Variants in PRKN observed in about 807,000 individuals in gnomAD.
PRKN encodes the protein E3 ubiquitin-protein ligase parkin.
PRKN carries 56 observed loss-of-function variants against 59.5 expected under a neutral mutation model. The ratio of observed to expected loss-of-function variants is 0.94; its 90% confidence interval spans 0.76 to 1.18. The LOEUF (loss-of-function observed/expected upper bound fraction) is 1.18. Among genes scored for constraint, PRKN ranks in the 50% most tolerant of loss-of-function variants. The pLI, the probability that PRKN is intolerant of heterozygous loss-of-function variation, is 0.00. For synonymous variants in PRKN, 250 were observed against 222.1 expected (o/e 1.13, Z -1.12); for missense variants, 657 against 596.4 (o/e 1.10, Z -1.06).
rs1472248035 is a variant in PRKN at position 161,417,758 on chromosome 6, C to T, written c.1084-30881G>A. 6.6e-6 allele frequency among the ~76,000 whole-genome samples: 1 copy of T among 152,194 alleles called. No individual in the cohort carries two copies. Among genetic ancestry groups the T allele is most frequent in the Non-Finnish European group, 1.5e-5 (1 of 68,030 alleles). ...TCCCTCCGGCCCCCCTGGGTTTTAACCTCTAGACCTAGAGAACCAAATTAG... is the reference window on the plus strand; with the variant it reads ...TCCCTCCGGCCCCCCTGGGTTTTAATCTCTAGACCTAGAGAACCAAATTAG... On this transcript the variant is annotated intron_variant, in intron 9 of 11. Coordinates refer to ENST00000366898, the MANE Select transcript of PRKN (RefSeq NM_004562.3). This position sits in a 1 kb window ranked among gnomAD's most constrained non-coding sequence, Gnocchi z 5.4.
At chr6:161,408,032 T>C (rs1442831139) in intron 9 of PRKN, among the ~76,000 whole-genome samples, 4 of 152,200 alleles carry the variant, frequency 2.6e-5, no homozygotes, top group Admixed American at 2.0e-4. Flanking sequence ...AACAGCTTTA[T>C]TGCTCACACA....
intron 7 of PRKN, among the ~76,000 whole-genome samples, chr6:161,714,066 G>T (rs6907603): frequency 1.3e-5 from 2 of 152,242 alleles, no homozygotes; most frequent in South Asian, 4.1e-4. Flanking sequence ...TCCAGCCTCA[G>T]GTATGTCTTT....
chr6:162,695,925 T>G (rs1029631527), intron 1 of PRKN, among the ~76,000 whole-genome samples: 2 of 152,202 alleles, frequency 1.3e-5, no homozygotes, highest in African/African-American at 4.8e-5. Flanking sequence ...TATTAACTAC[T>G]GATCTTGGGG....
rs138866253 is a variant in PRKN, at chr6:162,657,865, T to G, written c.7+69797A>C. The stretch of plus-strand genomic sequence containing the variant: ...CCAAATTACTGGCAAACACTGTCAC[T>G]GGAGGCTTGTTGGAGGCTTGTTTCT... On this transcript the variant is annotated intron_variant, in intron 1 of 11. Coordinates refer to ENST00000366898, the MANE Select transcript of PRKN (RefSeq NM_004562.3). Among the ~76,000 whole-genome samples, 130 of 152,246 alleles carry G rather than the reference T, an allele frequency of 8.5e-4. 2 individuals carry two copies. In the East Asian group the frequency reaches 0.022, roughly 26 times the overall value.
At chr6:162,293,854 A>C (rs1156814201) in intron 2 of PRKN, among the ~76,000 whole-genome samples, 1 of 152,018 alleles carries the variant, frequency 6.6e-6, no homozygotes, top group Non-Finnish European at 1.5e-5. Flanking sequence ...AATTTTTTGT[A>C]TTTTTAGTAG....
chr6:162,091,715 CTA>C (rs1181741449), intron 4 of PRKN, among the ~76,000 whole-genome samples: 1 of 152,098 alleles, frequency 6.6e-6, no homozygotes, highest in African/African-American at 2.4e-5. Flanking sequence ...TTGTGTAGCA[CTA>C]TGTTTTGTTT....
chr6:162,600,645 C>T (rs558327033), intron 1 of PRKN, among the ~76,000 whole-genome samples: 133 of 152,206 alleles, frequency 8.7e-4, no homozygotes, highest in Non-Finnish European at 1.1e-3. Flanking sequence ...ATGGGAGGTG[C>T]ATAGATCATG....
intron 5 of PRKN, among the ~76,000 whole-genome samples, chr6:162,047,425 C>T (rs547676601): frequency 1.2e-4 from 18 of 152,258 alleles, no homozygotes; most frequent in African/African-American, 3.6e-4. Flanking sequence ...ATGGAGCCCA[C>T]GGCTCTCATG....
intron 6 of PRKN, among the ~76,000 whole-genome samples, chr6:161,903,203 G>T (rs974758775): frequency 2.0e-5 from 3 of 152,190 alleles, no homozygotes; most frequent in Non-Finnish European, 4.4e-5. Flanking sequence ...GGCTGCACTG[G>T]CTCTAGAGCC....
chr6:162,340,620 C>A lies in PRKN; in HGVS notation c.172-77855G>T, dbSNP rs185442296. Among the ~76,000 whole-genome samples, 564 of 152,248 alleles carry A rather than the reference C, an allele frequency of 3.7e-3. 5 individuals are homozygous for A. Among genetic ancestry groups the A allele is most frequent in the Non-Finnish European group, 6.9e-3 (467 of 68,024 alleles). The stretch of plus-strand genomic sequence containing the variant: ...AACAGAACAGAGGACTCAGAAATAA[C>A]ACCACGCATCTACAAACATCTGATC... On this transcript the variant is annotated intron_variant, in intron 2 of 11. Coordinates refer to ENST00000366898, the MANE Select transcript of PRKN (RefSeq NM_004562.3).
chr6:162,540,459 G>A (rs1464111101), intron 1 of PRKN, among the ~76,000 whole-genome samples: 2 of 152,044 alleles, frequency 1.3e-5, no homozygotes, highest in Admixed American at 6.6e-5. Context: ...TGAAAAAGGT[G>A]CCAAAAGTTG....
At chr6:161,739,353 A>G (rs1336852059) in intron 7 of PRKN, among the ~76,000 whole-genome samples, 2 of 152,196 alleles carry the variant, frequency 1.3e-5, no homozygotes, top group African/African-American at 2.4e-5. Context: ...GGTTGCGGTG[A>G]GCTGAAATTG....
chr6:162,352,632 T>A lies in PRKN; in HGVS notation c.172-89867A>T, dbSNP rs78399584. Among the ~76,000 whole-genome samples the A allele has an allele frequency of 5.4e-3, 825 of 152,264 alleles. 8 individuals carry two copies. The highest frequency in any genetic ancestry group is 0.019 in the African/African-American group (780 of 41,562). On this transcript the variant is annotated intron_variant, in intron 2 of 11. Coordinates refer to ENST00000366898, the MANE Select transcript of PRKN (RefSeq NM_004562.3). ...ACCCTGAAGGGCATGGATTAACAGA[T>A]AAATAGTGAAGCAGGTTAAAATCTA...
chr6:161,610,795 G>A (rs768649805), intron 7 of PRKN, among the ~76,000 whole-genome samples: 5 of 152,108 alleles, frequency 3.3e-5, no homozygotes, highest in African/African-American at 4.8e-5. Flanking sequence ...GGGCTTGGCC[G>A]GGGTGTCCAT....
At chr6:162,389,038 C>T (rs903141484) in intron 2 of PRKN, among the ~76,000 whole-genome samples, 5 of 147,154 alleles carry the variant, frequency 3.4e-5, no homozygotes, top group Middle Eastern at 3.4e-3. Context: ...AAAAACCTGA[C>T]CCTCAATTCT....
intron 5 of PRKN, among the ~76,000 whole-genome samples, chr6:162,028,609 AC>A (rs1027235193): frequency 8.6e-4 from 131 of 152,340 alleles, no homozygotes; most frequent in African/African-American, 3.1e-3. Context: ...AGCTACGGGC[AC>A]AAGCATTATT....
chr6:162,230,665 T>A (rs74558406), intron 3 of PRKN, among the ~76,000 whole-genome samples: 3,832 of 152,232 alleles, frequency 0.025, 63 homozygotes, highest in East Asian at 0.06. Flanking sequence ...CTGTGAACAA[T>A]AGAGGAGGGT....
intron 4 of PRKN, among the ~76,000 whole-genome samples, chr6:162,176,929 C>CTTT (rs5881458): frequency 0.058 from 8,514 of 145,638 alleles, 433 homozygotes; most frequent in African/African-American, 0.13. Context: ...AATGAAATTC[C>CTTT]TTTTTTTTTT....
At chr6:162,475,976 TCA>T (rs2128180260) in intron 1 of PRKN, among the ~76,000 whole-genome samples, 1 of 151,208 alleles carries the variant, frequency 6.6e-6, no homozygotes, top group Non-Finnish European at 1.5e-5. Context: ...GGTCTTGTTC[TCA>T]CCTCGTGAGC....
Sources: allele counts gnomAD v4.1 joint callset (sites outside exome capture counted in the v4.1 genomes callset), GRCh38; gene constraint gnomAD v4.1.1; non-coding constraint Gnocchi (gnomAD v3.1); transcripts MANE v1.5; gene names NCBI Gene and HGNC (gene_info 2026-07-23, HGNC 2026-07-21).